The following STARD13 variants were observed in gnomAD, a reference collection of about 807,000 sequenced individuals.
The protein encoded by STARD13 is StAR related lipid transfer domain containing 13, also known as stAR-related lipid transfer protein 13.
Under a neutral mutation model 106.4 loss-of-function variants are expected in STARD13, and 62 were observed. That is an observed-to-expected ratio of 0.58 (90% confidence interval 0.48 to 0.72). The LOEUF (loss-of-function observed/expected upper bound fraction) is 0.72. Ranked by LOEUF, STARD13 falls within the 30% of genes least tolerant of loss-of-function variation. The pLI is 0.00. For synonymous variants in STARD13, 565 were observed against 553.0 expected (o/e 1.02, Z -0.31); for missense variants, 1,387 against 1,424.0 (o/e 0.97, Z 0.42).
At chr13:33,607,329 G>A in the STARD13 span, among the ~76,000 whole-genome samples, 2,707 of 145,968 alleles carry the variant, frequency 0.019, 32 homozygotes, top group Non-Finnish European at 0.023. Flanking sequence ...ACAGAACCTC[G>A]CTCTATCACC....
chr13:33,148,331 G>C lies in STARD13; in HGVS notation c.324-5958C>G, dbSNP rs868765605. ...GAGCATATTTGCAAAAGATATCTCT[G>C]TTAAAGGACTATTAGCTAAAATATA... On this transcript the variant is annotated intron_variant, in intron 3 of 13. Coordinates refer to ENST00000336934, the MANE Select transcript of STARD13 (RefSeq NM_178006.4). Among the ~76,000 whole-genome samples, 34 of 152,324 alleles carry C rather than the reference G, an allele frequency of 2.2e-4. No homozygotes were observed. The Middle Eastern group carries it at 0.01, about 46-fold the overall frequency.
intron 1 of STARD13, among the ~76,000 whole-genome samples, chr13:33,209,783 C>A (rs9596961): frequency 0.34 from 51,525 of 151,508 alleles, 8,996 homozygotes; most frequent in Middle Eastern, 0.44. Flanking sequence ...CCAACCTAGG[C>A]AACACAGAGA....
the STARD13 span, among the ~76,000 whole-genome samples, chr13:33,479,800 A>G: frequency 7.2e-5 from 11 of 151,920 alleles, no homozygotes; most frequent in Admixed American, 1.3e-4. Context: ...CTGGTTGTTT[A>G]AAAGTGTGTA....
At chr13:33,149,921 A>G (rs74045693) in intron 3 of STARD13, among the ~76,000 whole-genome samples, 4,168 of 152,302 alleles carry the variant, frequency 0.027, 202 homozygotes, top group African/African-American at 0.093. Context: ...TAACTTAATC[A>G]TAAGTAATAT....
the STARD13 span, among the ~76,000 whole-genome samples, chr13:33,476,186 A>G: frequency 1.3e-5 from 2 of 152,148 alleles, no homozygotes; most frequent in Non-Finnish European, 2.9e-5. Flanking sequence ...AATTACTTTA[A>G]TTGTGTTTAC....
chr13:33,126,008 C>G, intron 7 of STARD13, 73 bp downstream of exon 7: 1 of 1,552,684 alleles, frequency 6.4e-7, no homozygotes, highest in South Asian at 1.1e-5. Flanking sequence ...AGATCTGACT[C>G]AGTCTGACAT....
chr13:33,354,899 G>T (rs567687451), upstream of STARD13, among the ~76,000 whole-genome samples: 5 of 150,494 alleles, frequency 3.3e-5, no homozygotes, highest in Non-Finnish European at 7.4e-5. Context: ...TTTTTTCCTT[G>T]CATATTAAAA....
chr13:33,243,397 C>A (rs1889641241), intron 1 of STARD13, among the ~76,000 whole-genome samples: 1 of 152,142 alleles, frequency 6.6e-6, no homozygotes, highest in Non-Finnish European at 1.5e-5. Flanking sequence ...AATCCCACAA[C>A]CTGTGAGGAG....
chr13:33,378,557 G>A, the STARD13 span, among the ~76,000 whole-genome samples: 3 of 152,156 alleles, frequency 2.0e-5, no homozygotes, highest in South Asian at 2.1e-4. Context: ...TTGAGAGGCC[G>A]AGGCGGGCGG....
the STARD13 span, among the ~76,000 whole-genome samples, chr13:33,609,035 G>A: frequency 1.4e-5 from 2 of 139,362 alleles, no homozygotes; most frequent in South Asian, 2.2e-4. Flanking sequence ...GCAGTGAGCC[G>A]AGATTGCGCC....
At chr13:33,553,118 A>C in the STARD13 span, among the ~76,000 whole-genome samples, 7 of 152,276 alleles carry the variant, frequency 4.6e-5, no homozygotes, top group East Asian at 9.6e-4. Context: ...TAATTCAATA[A>C]TTTTTATTGA....
At chr13:33,238,972 C>T (rs988045341) in intron 1 of STARD13, among the ~76,000 whole-genome samples, 2 of 152,028 alleles carry the variant, frequency 1.3e-5, no homozygotes, top group African/African-American at 4.8e-5. Context: ...TGGGTCTCCA[C>T]ATCTTTTTCA....
chr13:33,243,722 CACA>C (rs1422364165), intron 1 of STARD13, among the ~76,000 whole-genome samples: 1 of 152,100 alleles, frequency 6.6e-6, no homozygotes, highest in Admixed American at 6.6e-5. Context: ...TACTGTTTCT[CACA>C]ACATTTTGTT....
intron 1 of STARD13, among the ~76,000 whole-genome samples, chr13:33,212,544 AG>A (rs1284623849): frequency 6.6e-6 from 1 of 152,196 alleles, no homozygotes; most frequent in East Asian, 1.9e-4. Context: ...TCCTGCAGGC[AG>A]GTGTGGGCAG....
the STARD13 span, among the ~76,000 whole-genome samples, chr13:33,377,505 T>A: frequency 6.6e-6 from 1 of 152,164 alleles, no homozygotes; most frequent in Non-Finnish European, 1.5e-5. Context: ...ATTCTATTGA[T>A]CTTTGCATGA....
the STARD13 span, among the ~76,000 whole-genome samples, chr13:33,395,074 C>T: frequency 2.0e-5 from 3 of 152,130 alleles, no homozygotes; most frequent in South Asian, 6.2e-4. Context: ...GCTGGATTAG[C>T]TTTATTTTTC....
At chr13:33,653,540 A>G in the STARD13 span, among the ~76,000 whole-genome samples, 2,070 of 152,314 alleles carry the variant, frequency 0.014, 22 homozygotes, top group Non-Finnish European at 0.02. Flanking sequence ...GAAATGGACC[A>G]AATACCTAAA....
At chr13:33,375,202 C>T in the STARD13 span, among the ~76,000 whole-genome samples, 15 of 152,062 alleles carry the variant, frequency 9.9e-5, no homozygotes, top group Admixed American at 8.5e-4. Context: ...GGGGACCAGT[C>T]AAGAGGCTGT....
At chr13:33,162,171 T>C (rs1036485165) in intron 3 of STARD13, among the ~76,000 whole-genome samples, 9 of 152,160 alleles carry the variant, frequency 5.9e-5, no homozygotes, top group African/African-American at 2.2e-4. Context: ...ATTTCAGCAT[T>C]AACCCAAAAG....
Sources: allele counts gnomAD v4.1 joint callset (sites outside exome capture counted in the v4.1 genomes callset), GRCh38; gene constraint gnomAD v4.1.1; transcripts MANE v1.5; gene names NCBI Gene and HGNC (gene_info 2026-07-23, HGNC 2026-07-21).